The following KIDINS220 variants were observed in gnomAD, a reference collection of about 807,000 sequenced individuals.
The protein encoded by KIDINS220 is kinase D-interacting substrate of 220 kDa.
In KIDINS220, 63 loss-of-function variants were observed where a neutral mutation model predicts 157.6. The observed-to-expected ratio is 0.40, with a 90% CI of 0.33 to 0.49. KIDINS220 has a LOEUF of 0.49. Ranked by LOEUF, KIDINS220 falls within the 20% of genes least tolerant of loss-of-function variation. The probability of loss-of-function intolerance (pLI) is 0.66; values close to 1 mark genes in which losing one functional copy is unlikely to be tolerated. For synonymous variants in KIDINS220, 732 were observed against 783.6 expected, an observed-to-expected ratio of 0.93 and a Z score of 1.10; for missense variants, 1,772 against 2,171.2, an observed-to-expected ratio of 0.82 and a Z score of 3.65.
chr2:8,826,562 C>T (rs892329107), intron 2 of KIDINS220: 3 of 152,952 alleles, frequency 2.0e-5, no homozygotes, highest in Admixed American at 6.5e-5. Flanking sequence ...GAGCTGAGAT[C>T]GTGCCATTGC....
At chr2:8,802,872 T>G in intron 8 of KIDINS220, 58 bp downstream of exon 8, 1 of 1,412,032 alleles carries the variant, frequency 7.1e-7, no homozygotes, top group Non-Finnish European at 9.9e-7. Context: ...AATAAGACAC[T>G]AAGGTCACCT....
intron 1 of KIDINS220, 142 bp from the exon 2 acceptor site, chr2:8,827,271 T>C (rs1678946365): frequency 1.0e-5 from 5 of 478,638 alleles, no homozygotes; most frequent in East Asian, 3.3e-5. Context: ...ACGGCTTCCA[T>C]AGCTCAGGTG....
chr2:8,724,906 A>G (rs1663178967), downstream of KIDINS220: 1 of 152,316 alleles, frequency 6.6e-6, no homozygotes, highest in Non-Finnish European at 1.5e-5. The surrounding 1 kb of genome is among the most constrained non-coding windows in gnomAD (Gnocchi z 4.6). Flanking sequence ...TGCTGGGATT[A>G]TAGGCGTGAG....
chr2:8,745,091 A>G (rs1357114067), intron 26 of KIDINS220, among the ~76,000 whole-genome samples: 1 of 152,210 alleles, frequency 6.6e-6, no homozygotes, highest in Non-Finnish European at 1.5e-5. Context: ...GAAACTACAG[A>G]CACCTTTTAA....
At position 8,733,693 on chromosome 2, in the gene KIDINS220, A is replaced by C. The variant is rs1167620248; in HGVS notation, c.3817-13T>G. The C allele has an allele frequency of 6.9e-7, 1 of 1,444,826 alleles. No homozygotes were observed. Among genetic ancestry groups the C allele is most frequent in the Non-Finnish European group, 9.4e-7 (1 of 1,069,516 alleles). 89.5% of individuals were successfully genotyped at this position (1,444,826 alleles called of 1,614,324 possible). A position where few individuals can be genotyped will look rare whatever the true frequency, so the allele number is the denominator to read the frequency against. On this transcript the variant is annotated splice_polypyrimidine_tract_variant and intron_variant, in intron 28 of 29. Transcript: ENST00000256707. ...TCATTTCTAGTACCTTAACAGAAGAAAAACATAAATATTTACACTAACAAA... is the reference window on the plus strand; with the variant it reads ...TCATTTCTAGTACCTTAACAGAAGACAAACATAAATATTTACACTAACAAA...
intron 2 of KIDINS220, among the ~76,000 whole-genome samples, chr2:8,821,287 A>G (rs1265672393): frequency 6.6e-6 from 1 of 151,968 alleles, no homozygotes; most frequent in Non-Finnish European, 1.5e-5. Flanking sequence ...AGAAACTATT[A>G]GCTGTCCACC....
downstream of KIDINS220, chr2:8,723,441 A>C (rs906295969): frequency 2.0e-5 from 3 of 152,234 alleles, no homozygotes; most frequent in Non-Finnish European, 1.5e-5. Flanking sequence ...ATAAACGTCA[A>C]ATGTATTCAG....
At chr2:8,760,749 G>A (rs950236652) in intron 22 of KIDINS220, among the ~76,000 whole-genome samples, 10 of 152,116 alleles carry the variant, frequency 6.6e-5, no homozygotes, top group Admixed American at 6.5e-5. Context: ...AATTTGTTAG[G>A]AAATGTTATA....
rs534657554 is a variant in KIDINS220, at chr2:8,780,917, C to T, written c.2230-1103G>A. On this transcript the variant is annotated intron_variant, in intron 17 of 29. Coordinates refer to ENST00000256707, the MANE Select transcript of KIDINS220 (RefSeq NM_020738.4). ...AACAAATAGAAAACAGTAACAAATACGATAGATATTAATCCATCAAAACCA... is the reference window on the plus strand; with the variant it reads ...AACAAATAGAAAACAGTAACAAATATGATAGATATTAATCCATCAAAACCA... Among the ~76,000 whole-genome samples the T allele has an allele frequency of 2.2e-4, 33 of 151,526 alleles. 1 individual carries two copies. Among genetic ancestry groups the T allele is most frequent in the African/African-American group, 5.3e-4 (22 of 41,384 alleles).
Position 8,729,947 on chromosome 2 carries a change from T to C in KIDINS220, c.*773A>G. 1 of 985,208 alleles carries C rather than the reference T, an allele frequency of 1.0e-6. No homozygotes were observed. The highest frequency in any genetic ancestry group is 1.2e-6 in the Non-Finnish European group (1 of 829,898). 61.0% of individuals were successfully genotyped at this position (985,208 alleles called of 1,614,324 possible). On this transcript the variant is annotated 3_prime_UTR_variant, in exon 30 of 30. Transcript: ENST00000256707. ...AAAAGTTGGGCACCATTTAAAAGAGTTGGAGAACAGACCAGGGTGGCTTCT... is the reference window on the plus strand; with the variant it reads ...AAAAGTTGGGCACCATTTAAAAGAGCTGGAGAACAGACCAGGGTGGCTTCT...
At chr2:8,830,214 A>C (rs1679407351) in intron 1 of KIDINS220, among the ~76,000 whole-genome samples, 2 of 152,272 alleles carry the variant, frequency 1.3e-5, no homozygotes, top group East Asian at 1.9e-4. Flanking sequence ...GACTAATTTA[A>C]ACTAGCTTAA....
At chr2:8,764,468 CTT>C (rs963658895) in intron 22 of KIDINS220, among the ~76,000 whole-genome samples, 6 of 152,110 alleles carry the variant, frequency 3.9e-5, no homozygotes, top group African/African-American at 1.4e-4. Flanking sequence ...TGTAAGAAAC[CTT>C]AGAAATGCAG....
intron 10 of KIDINS220, among the ~76,000 whole-genome samples, 182 bp from the exon 11 acceptor site, chr2:8,797,051 A>G (rs1226242393): frequency 6.6e-6 from 1 of 152,244 alleles, no homozygotes; most frequent in African/African-American, 2.4e-5. Context: ...CATTTGTATC[A>G]AAGTGACTGT....
intron 11 of KIDINS220, 149 bp from the exon 12 acceptor site, chr2:8,794,136 T>C: frequency 1.9e-6 from 1 of 539,662 alleles, no homozygotes; most frequent in South Asian, 3.4e-5. Flanking sequence ...TTTTTATCTC[T>C]ATCTTCCCCA....
At chr2:8,755,624 G>T (rs1200644763) in intron 22 of KIDINS220, among the ~76,000 whole-genome samples, 1 of 152,190 alleles carries the variant, frequency 6.6e-6, no homozygotes, top group Admixed American at 6.5e-5. Flanking sequence ...GCTTGGGAAA[G>T]CATAGGTTGA....
At chr2:8,759,551 G>C (rs1668479532) in intron 22 of KIDINS220, among the ~76,000 whole-genome samples, 1 of 148,462 alleles carries the variant, frequency 6.7e-6, no homozygotes, top group Admixed American at 6.8e-5. Context: ...ACTCTCTTTG[G>C]CTTTAAGGCT....
intron 22 of KIDINS220, chr2:8,757,276 T>G (rs1282738091): frequency 3.0e-6 from 3 of 996,010 alleles, no homozygotes; most frequent in Non-Finnish European, 1.2e-6. Flanking sequence ...GTACTTAACA[T>G]TAAGAAAGCA....
In KIDINS220 at chr2:8,729,865, G is replaced by A. The variant is rs1663784840; in HGVS notation, c.*855C>T. The A allele has an allele frequency of 5.3e-5, 52 of 984,678 alleles. No homozygotes were observed. In the South Asian group the frequency reaches 2.1e-3, roughly 39 times the overall value. 61.0% of individuals were successfully genotyped at this position (984,678 alleles called of 1,614,324 possible). A position where few individuals can be genotyped will look rare whatever the true frequency, so the allele number is the denominator to read the frequency against. On this transcript the variant is annotated 3_prime_UTR_variant, in exon 30 of 30. Transcript: ENST00000256707. ...TACCTATTATTACCCATGTCTCCCT[G>A]ATTTTCCAGAAAAAGAATTCATGTT...
In KIDINS220 at chr2:8,736,942, C is replaced by T. The variant is rs1200832753; in HGVS notation, c.3643G>A (p.Val1215Ile). 3 of 1,614,184 alleles carry T rather than the reference C, an allele frequency of 1.9e-6. No homozygotes were observed. The highest frequency in any genetic ancestry group is 3.3e-4 in the Middle Eastern group (2 of 6,062). ...VLLNSLNVDA[V>I]CEKLKQIEGL... ...TCTATTTGTTTCAGCTTCTCACATACTGCATCCACATTCAGTGAATTCAGT... is the reference window on the plus strand; with the variant it reads ...TCTATTTGTTTCAGCTTCTCACATATTGCATCCACATTCAGTGAATTCAGT... The change falls in exon 27 of 30, where the codon GTA becomes ATA. Residue 1215 changes from valine to isoleucine, a missense_variant. Val to Ile is a conservative substitution (Grantham distance 29, BLOSUM62 3). Coordinates refer to ENST00000256707, the MANE Select transcript of KIDINS220 (RefSeq NM_020738.4).
Sources: gnomAD v4.1 joint callset for allele counts (sites outside exome capture counted in the v4.1 genomes callset) on GRCh38, gnomAD v4.1.1 for gene constraint, Gnocchi (gnomAD v3.1) non-coding constraint, MANE v1.5 for transcripts, NCBI Gene and HGNC (gene_info 2026-07-23, HGNC 2026-07-21) for gene names.